Variants in LAPTM4B observed in about 807,000 individuals in gnomAD.
LAPTM4B encodes the protein lysosomal-associated transmembrane protein 4B.
Under a neutral mutation model 28.5 loss-of-function variants are expected in LAPTM4B, and 26 were observed. The ratio of observed to expected loss-of-function variants is 0.91; its 90% confidence interval spans 0.67 to 1.27. The LOEUF is 1.27. Ranked by LOEUF, LAPTM4B falls within the 50% of genes most tolerant of loss-of-function variation. LAPTM4B has a pLI of 0.00. For missense variants in LAPTM4B, 288 were observed against 285.8 expected, an observed-to-expected ratio of 1.01 and a Z score of -0.06; for synonymous variants, 109 against 106.4, an observed-to-expected ratio of 1.02 and a Z score of -0.15.
chr8:97,822,413 T>C (rs7016702), intron 5 of LAPTM4B, among the ~76,000 whole-genome samples: 4 of 42,128 alleles, frequency 9.5e-5, no homozygotes, highest in Admixed American at 4.2e-4. Context: ...CTCACAATTA[T>C]CTTTAAAAAG....
chr8:97,810,113 G>A (rs747979709), intron 2 of LAPTM4B, among the ~76,000 whole-genome samples: 4 of 151,856 alleles, frequency 2.6e-5, no homozygotes, highest in Non-Finnish European at 4.4e-5. Flanking sequence ...GTAGAGATGG[G>A]GTTTTGTCAT....
chr8:97,832,165 A>G (rs996159916), intron 6 of LAPTM4B, among the ~76,000 whole-genome samples: 1 of 152,110 alleles, frequency 6.6e-6, no homozygotes, highest in Non-Finnish European at 1.5e-5. Flanking sequence ...GAAAACTTCT[A>G]TTTTTCCCCT....
intron 2 of LAPTM4B, among the ~76,000 whole-genome samples, chr8:97,814,833 G>C (rs1563611992): frequency 6.6e-6 from 1 of 152,016 alleles, no homozygotes; most frequent in Non-Finnish European, 1.5e-5. Context: ...AGCTGGGTCA[G>C]CAGGTGCCCA....
Position 97,815,342 on chromosome 8 carries a change from A to G in LAPTM4B, c.226A>G (p.Ile76Val). Residue 76 changes from isoleucine (I) to valine (V), a missense_variant, in exon 3 of 7, where the codon ATT becomes GTT. Ile to Val is a conservative substitution (Grantham distance 29). Coordinates refer to ENST00000521545, the MANE Select transcript of LAPTM4B (RefSeq NM_018407.6). The part of the protein sequence containing the change: ...FMDDANMCIA[I>V]AISLLMILIC... ...TCTTTCGGCAGACATGTGCATTGCC[A>G]TTGCGATTTCTCTTCTCATGATCCT... The G allele has an allele frequency of 1.2e-6, 2 of 1,614,024 alleles. No individual in the cohort carries two copies. The highest frequency in any genetic ancestry group is 8.5e-7 in the Non-Finnish European group (1 of 1,179,926).
intron 1 of LAPTM4B, among the ~76,000 whole-genome samples, chr8:97,778,093 T>G (rs886482804): frequency 3.9e-5 from 6 of 152,240 alleles, no homozygotes; most frequent in Non-Finnish European, 7.3e-5. Flanking sequence ...GTCTACTGTT[T>G]GAGCACGCTC....
chr8:97,802,651 T>G (rs1816702005), intron 1 of LAPTM4B, among the ~76,000 whole-genome samples: 1 of 152,174 alleles, frequency 6.6e-6, no homozygotes, highest in Non-Finnish European at 1.5e-5. Context: ...TGCAGCCCAG[T>G]GGGTCTTAGC....
chr8:97,838,580 A>AG (rs1415456027), intron 6 of LAPTM4B, among the ~76,000 whole-genome samples: 10 of 152,282 alleles, frequency 6.6e-5, no homozygotes, highest in African/African-American at 2.4e-4. Context: ...GAGTGGCAGG[A>AG]GGGGGACTAC....
intron 1 of LAPTM4B, among the ~76,000 whole-genome samples, chr8:97,791,235 T>A (rs939365079): frequency 2.0e-5 from 3 of 152,144 alleles, no homozygotes; most frequent in East Asian, 1.9e-4. Context: ...AGTTTAGGTC[T>A]CCATTGTCCA....
intron 1 of LAPTM4B, among the ~76,000 whole-genome samples, chr8:97,787,903 C>T (rs1241100481): frequency 6.6e-6 from 1 of 152,064 alleles, no homozygotes; most frequent in African/African-American, 2.4e-5. Context: ...GGCATGATCT[C>T]GGCTCACTGC....
intron 6 of LAPTM4B, among the ~76,000 whole-genome samples, chr8:97,827,997 T>C (rs147775102): frequency 2.1e-3 from 324 of 152,334 alleles, no homozygotes; most frequent in African/African-American, 6.8e-3. Context: ...GCTGTTTTTC[T>C]TCTTTTGTGG....
intron 6 of LAPTM4B, among the ~76,000 whole-genome samples, chr8:97,829,347 G>A (rs753021618): frequency 1.6e-4 from 24 of 152,168 alleles, no homozygotes; most frequent in Non-Finnish European, 2.2e-4. Context: ...AGCGGTAAGC[G>A]TCTTTCTAGA....
rs546425169 is a variant in LAPTM4B, at chr8:97,800,484, CTTTTTTTTTTTTTTTT to C, written c.100-4857_100-4842del. On this transcript the variant is annotated intron_variant, in intron 1 of 6. Transcript: ENST00000521545. ...CTTCTGTAATATTACCCCTTGACCTCTTTTTTTTTTTTTTTTTTTTTTTTTTTGGAGATGGAGTTTT... is the reference window on the plus strand; with the variant it reads ...CTTCTGTAATATTACCCCTTGACCTCTTTTTTTTTTTGGAGATGGAGTTTT... Among the ~76,000 whole-genome samples, 137 of 69,332 alleles carry C rather than the reference CTTTTTTTTTTTTTTTT, an allele frequency of 2.0e-3. 2 individuals are homozygous for C. Among genetic ancestry groups the C allele is most frequent in the African/African-American group, 9.9e-3 (132 of 13,398 alleles). The allele number at this position is 69,332 out of a possible 152,430, so 45.5% of individuals were successfully genotyped here. A position where few individuals can be genotyped will look rare whatever the true frequency, so the allele number is the denominator to read the frequency against.
At position 97,843,712 on chromosome 8, in the gene LAPTM4B, AG is replaced by A. The variant is rs568159926; in HGVS notation, c.604-7684del. Among the ~76,000 whole-genome samples, 6 of 152,186 alleles carry A rather than the reference AG, an allele frequency of 3.9e-5. No homozygotes were observed. In the South Asian group the frequency reaches 1.0e-3, roughly 26 times the overall value. On this transcript the variant is annotated intron_variant, in intron 6 of 6. Coordinates refer to ENST00000521545, the MANE Select transcript of LAPTM4B (RefSeq NM_018407.6). Reference sequence around the variant, plus strand: ...GGAGAATGCCTTGAACCCAGGAGACAGAGGTTGCATGAGCCAAGATTGCAGC... The same window carrying A: ...GGAGAATGCCTTGAACCCAGGAGACAAGGTTGCATGAGCCAAGATTGCAGC...
chr8:97,832,559 A>G (rs973186871), intron 6 of LAPTM4B, among the ~76,000 whole-genome samples: 2 of 152,158 alleles, frequency 1.3e-5, no homozygotes, highest in Non-Finnish European at 2.9e-5. Context: ...ATATTCCTGG[A>G]AAAGGTAGAT....
intron 2 of LAPTM4B, among the ~76,000 whole-genome samples, chr8:97,811,614 C>T (rs1369966333): frequency 6.6e-6 from 1 of 152,082 alleles, no homozygotes; most frequent in African/African-American, 2.4e-5. Context: ...CAAACTAAGG[C>T]TCATCTTGCT....
intron 2 of LAPTM4B, among the ~76,000 whole-genome samples, chr8:97,806,874 T>C (rs1816761954): frequency 6.6e-6 from 1 of 152,152 alleles, no homozygotes; most frequent in South Asian, 2.1e-4. Context: ...GGAGAATTGC[T>C]TGAACCCCAG....
chr8:97,819,029 G>C, intron 4 of LAPTM4B, 111 bp from the exon 5 acceptor site: 1 of 685,754 alleles, frequency 1.5e-6, no homozygotes. Flanking sequence ...CTAAATAATA[G>C]CTGTCTGCTT....
At chr8:97,833,656 G>A (rs930666687) in intron 6 of LAPTM4B, among the ~76,000 whole-genome samples, 1 of 152,120 alleles carries the variant, frequency 6.6e-6, no homozygotes, top group Non-Finnish European at 1.5e-5. Flanking sequence ...GAATTATTTG[G>A]ATCTAGAGGC....
intron 5 of LAPTM4B, among the ~76,000 whole-genome samples, chr8:97,824,518 C>T (rs534078810): frequency 2.0e-5 from 3 of 152,142 alleles, no homozygotes; most frequent in Admixed American, 6.5e-5. Context: ...TTTTAAGTAT[C>T]GTCGTCGGAT....
Sources: allele counts gnomAD v4.1 joint callset (sites outside exome capture counted in the v4.1 genomes callset), GRCh38; gene constraint gnomAD v4.1.1; transcripts MANE v1.5; gene names NCBI Gene and HGNC (gene_info 2026-07-23, HGNC 2026-07-21).